The following MYOC variants were observed in gnomAD, a reference collection of about 807,000 sequenced individuals.
MYOC encodes the protein myocilin, also known as juvenile-onset open-angle glaucoma 1.
In MYOC, 29 loss-of-function variants were observed where a neutral mutation model predicts 28.2. The ratio of observed to expected loss-of-function variants is 1.03; its 90% CI spans 0.77 to 1.40. The LOEUF is 1.40. Among genes scored for constraint, MYOC ranks in the 40% most tolerant of loss-of-function variants. MYOC has a pLI of 0.00. For synonymous variants in MYOC, 240 were observed against 245.6 expected (o/e 0.98, Z 0.21); for missense variants, 569 against 620.6 (o/e 0.92, Z 0.88).
intron 1 of MYOC, among the ~76,000 whole-genome samples, chr1:171,648,239 G>A (rs1054071765): frequency 6.6e-6 from 1 of 151,462 alleles, no homozygotes; most frequent in African/African-American, 2.4e-5. Context: ...CCCCACATCT[G>A]AGTATCAGGG....
intron 1 of MYOC, 21 bp downstream of exon 1, chr1:171,651,986 TC>T: frequency 6.2e-7 from 1 of 1,613,654 alleles, no homozygotes; most frequent in Non-Finnish European, 8.5e-7. Flanking sequence ...GAACTCAGAG[TC>T]CCCCCACTCT....
At position 171,636,280 on chromosome 1, in the gene MYOC, C is replaced by T. The variant is rs749960559; in HGVS notation, c.1160G>A (p.Gly387Asp). The T allele has an allele frequency of 3.7e-6, 6 of 1,614,130 alleles. No homozygotes were observed. The highest frequency in any genetic ancestry group is 4.5e-5 in the East Asian group (2 of 44,890). ...TDIDLAVDEA[G>D]LWVIYSTDEA... ...ATCGGTGCTGTAAATGACCCAGAGG[C>T]CTGCTTCATCCACAGCCAAGTCAAT... Residue 387 changes from glycine (G) to aspartate (D), a missense_variant, in exon 3 of 3, where the codon GGC becomes GAC. Physicochemically the swap from Gly to Asp is moderately conservative, Grantham distance 94. Coordinates refer to ENST00000037502, the MANE Select transcript of MYOC (RefSeq NM_000261.2).
chr1:171,636,857 C>T (rs542522501), intron 2 of MYOC, 148 bp from the exon 3 acceptor site: 236 of 843,866 alleles, frequency 2.8e-4, no homozygotes, highest in African/African-American at 5.0e-4. Context: ...CTCTACCACC[C>T]GCTGGCTGTG....
At chr1:171,645,476 A>G (rs1242274288) in intron 1 of MYOC, among the ~76,000 whole-genome samples, 1 of 152,130 alleles carries the variant, frequency 6.6e-6, no homozygotes, top group Non-Finnish European at 1.5e-5. Context: ...TGATGTGCTG[A>G]ACCTCACCTT....
chr1:171,641,008 G>A (rs908703939), intron 1 of MYOC, among the ~76,000 whole-genome samples: 1 of 152,128 alleles, frequency 6.6e-6, no homozygotes, highest in African/African-American at 2.4e-5. Context: ...TAAACCCATA[G>A]AAGGCGCAAC....
In MYOC at chr1:171,638,676, G is replaced by A. The variant is rs756644125; in HGVS notation, c.651C>T (p.Ser217=). 13 of 1,613,942 alleles carry A rather than the reference G, an allele frequency of 8.1e-6. No individual in the cohort carries two copies. The highest frequency in any genetic ancestry group is 2.7e-5 in the African/African-American group (2 of 74,922). The change falls in exon 2 of 3, where the codon TCC becomes TCT. Residue 217 remains serine (S), a synonymous_variant. Coordinates refer to ENST00000037502, the MANE Select transcript of MYOC (RefSeq NM_000261.2). The part of the protein sequence containing the change: ...LDTLAFQELK[S]ELTEVPASRI... ...GGGAAGCAGGAACTTCAGTTAGCTC[G>A]GACTTCAGTTCCTGGAAGGCCAAAG...
chr1:171,642,705 G>A (rs761438425), intron 1 of MYOC, among the ~76,000 whole-genome samples: 1 of 151,894 alleles, frequency 6.6e-6, no homozygotes, highest in Non-Finnish European at 1.5e-5. Flanking sequence ...AACTCCAGGG[G>A]CAATTGGGAG....
At chr1:171,649,617 G>A (rs1280107108) in intron 1 of MYOC, among the ~76,000 whole-genome samples, 1 of 152,154 alleles carries the variant, frequency 6.6e-6, no homozygotes, top group Non-Finnish European at 1.5e-5. Context: ...CCAACATGGT[G>A]AAACCCTGTC....
chr1:171,649,038 A>T (rs988714731), intron 1 of MYOC, among the ~76,000 whole-genome samples: 2 of 151,618 alleles, frequency 1.3e-5, no homozygotes, highest in Non-Finnish European at 2.9e-5. Context: ...CATAAAATTT[A>T]TATATGTATA....
rs773921665 is a variant in MYOC, at chr1:171,636,722, G to A, written c.731-13C>T. ...AGTTCTCCACATCCTGGTAAATTCA[G>A]AAAAGAAAACGAAGCACCACTTAAT... is the stretch of plus-strand genomic sequence containing the variant. On this transcript the variant is annotated splice_polypyrimidine_tract_variant and intron_variant, in intron 2 of 2. Transcript: ENST00000037502. 19 of 1,599,938 alleles carry A rather than the reference G, an allele frequency of 1.2e-5. No homozygotes were observed. In the Middle Eastern group the frequency reaches 4.9e-4, roughly 42 times the overall value.
Position 171,636,292 on chromosome 1 carries a change from A to G in MYOC, c.1148T>C (p.Val383Ala), listed in dbSNP as rs1652918537. 1 of 1,613,958 alleles carries G rather than the reference A, an allele frequency of 6.2e-7. No individual in the cohort carries two copies. Residue 383 changes from valine to alanine, a missense_variant, in exon 3 of 3, where the codon GTG becomes GCG. Coordinates refer to ENST00000037502, the MANE Select transcript of MYOC (RefSeq NM_000261.2). Reference protein sequence around the residue: ...WGGYTDIDLAVDEAGLWVIYS... With the variant: ...WGGYTDIDLAADEAGLWVIYS... ...AATGACCCAGAGGCCTGCTTCATCC[A>G]CAGCCAAGTCAATGTCCGTGTAGCC... is the stretch of plus-strand genomic sequence containing the variant.
In MYOC at chr1:171,648,188, TAA is replaced by T. The variant is rs11295938; in HGVS notation, c.604+3818_604+3819del. ...TGGGGGACAGAGAAAGACTCCATCT[TAA>T]AAAAAAAAAAAAAATCAGTCTGCAA... is the stretch of plus-strand genomic sequence containing the variant. On this transcript the variant is annotated intron_variant, in intron 1 of 2. Coordinates refer to ENST00000037502, the MANE Select transcript of MYOC (RefSeq NM_000261.2). Among the ~76,000 whole-genome samples, 1,285 of 144,602 alleles carry T rather than the reference TAA, an allele frequency of 8.9e-3. 14 individuals carry two copies. Among genetic ancestry groups the T allele is most frequent in the African/African-American group, 0.022 (861 of 39,296 alleles). The allele number at this position is 144,602 out of a possible 152,430, so 94.9% of individuals were successfully genotyped here. A position where few individuals can be genotyped will look rare whatever the true frequency, so the allele number is the denominator to read the frequency against.
chr1:171,637,806 T>G (rs1445670622), intron 2 of MYOC, among the ~76,000 whole-genome samples: 1 of 152,006 alleles, frequency 6.6e-6, no homozygotes, highest in African/African-American at 2.4e-5. Flanking sequence ...AGAGACAGTG[T>G]TTCACCATGT....
rs750636723 is a variant in MYOC, at chr1:171,652,397, T to C, written c.215A>G (p.His72Arg). ...PEQSQAMSVI[H>R]NLQRDSSTQR... is the part of the protein sequence containing the mutation. ...GGTGCTGCTGTCTCTCTGTAAGTTA[T>C]GGATGACTGACATGGCCTGGCTCTG... Residue 72 changes from histidine (H) to arginine (R), a missense_variant, in exon 1 of 3, where the codon CAT becomes CGT. Coordinates refer to ENST00000037502, the MANE Select transcript of MYOC (RefSeq NM_000261.2). 3 of 1,613,968 alleles carry C rather than the reference T, an allele frequency of 1.9e-6. No homozygotes were observed. The highest frequency in any genetic ancestry group is 1.7e-5 in the Admixed American group (1 of 60,022).
At chr1:171,645,003 T>C (rs1653167143) in intron 1 of MYOC, among the ~76,000 whole-genome samples, 1 of 152,192 alleles carries the variant, frequency 6.6e-6, no homozygotes, top group African/African-American at 2.4e-5. Flanking sequence ...GTGTCAGTTA[T>C]AAACGCATTG....
At position 171,636,229 on chromosome 1, in the gene MYOC, G is replaced by C; in HGVS notation, c.1211C>G (p.Ser404Cys). ...TTCCAGATTCTCTGGGTTCAGTTTG[G>C]AGAGGACAATGGCACCTTTGGCCTC... ...TDEAKGAIVL[S>C]KLNPENLELE... is the part of the protein sequence containing the mutation. The change falls in exon 3 of 3, where the codon TCC (serine) becomes TGC (cysteine). Residue 404 changes from serine (S) to cysteine (C), a missense_variant. Transcript: ENST00000037502. 1.2e-6 allele frequency: 2 copies of C among 1,614,132 alleles called. No homozygotes were observed. Among genetic ancestry groups the C allele is most frequent in the Non-Finnish European group, 1.7e-6 (2 of 1,180,020 alleles).
chr1:171,651,439 A>G (rs235917), intron 1 of MYOC, among the ~76,000 whole-genome samples: 113,152 of 151,766 alleles, frequency 0.75, 42,404 homozygotes, highest in East Asian at 0.88. Context: ...AATTTGTCTG[A>G]TGACTTAAAA....
chr1:171,650,434 A>T (rs1038481867), intron 1 of MYOC, among the ~76,000 whole-genome samples: 1 of 152,198 alleles, frequency 6.6e-6, no homozygotes, highest in African/African-American at 2.4e-5. Context: ...TCAGAATTGG[A>T]TCTCTTCTAA....
At chr1:171,644,463 C>A (rs1021610394) in intron 1 of MYOC, among the ~76,000 whole-genome samples, 1 of 151,838 alleles carries the variant, frequency 6.6e-6, no homozygotes, top group African/African-American at 2.4e-5. Context: ...AGAAATGCCC[C>A]TTTTGCTATA....
Sources: gnomAD v4.1 joint callset for allele counts (sites outside exome capture counted in the v4.1 genomes callset) on GRCh38, gnomAD v4.1.1 for gene constraint, MANE v1.5 for transcripts, NCBI Gene and HGNC (gene_info 2026-07-23, HGNC 2026-07-21) for gene names.